NCKAP5: variants seen among roughly 807,000 people sequenced by gnomAD.
The protein encoded by NCKAP5 is nck-associated protein 5.
Under a neutral mutation model 167.0 loss-of-function variants are expected in NCKAP5, and 92 were observed. The ratio of observed to expected loss-of-function variants is 0.55; its 90% CI spans 0.47 to 0.66. The LOEUF is 0.66. Ranked by LOEUF, NCKAP5 falls within the 30% of genes least tolerant of loss-of-function variation. The pLI is 0.00. For synonymous variants in NCKAP5, 891 were observed against 877.4 expected, an observed-to-expected ratio of 1.02 and a Z score of -0.27; for missense variants, 2,378 against 2,315.0, an observed-to-expected ratio of 1.03 and a Z score of -0.56.
rs547409501 is a variant in NCKAP5, at chr2:132,855,126, C to T, written c.807+5366G>A. On this transcript the variant is annotated intron_variant, in intron 11 of 19. Transcript: ENST00000409261. The stretch of plus-strand genomic sequence containing the variant: ...AACCTCACGTGTTACATCTCATCAT[C>T]GAAAGCCTTGCTCTGCAGGAACTGT... Among the ~76,000 whole-genome samples, 3 of 152,254 alleles carry T rather than the reference C, an allele frequency of 2.0e-5. No individual in the cohort carries two copies. In the East Asian group the frequency reaches 5.8e-4, roughly 29 times the overall value.
At chr2:133,340,882 C>T (rs961706007) in intron 3 of NCKAP5, among the ~76,000 whole-genome samples, 1 of 152,182 alleles carries the variant, frequency 6.6e-6, no homozygotes, top group Non-Finnish European at 1.5e-5. Context: ...TTCCTCATCT[C>T]AGCAGCCAGC....
At chr2:133,473,215 C>T (rs1679514355) in intron 3 of NCKAP5, among the ~76,000 whole-genome samples, 1 of 151,958 alleles carries the variant, frequency 6.6e-6, no homozygotes, top group South Asian at 2.1e-4. Context: ...GCCTGTAGTC[C>T]CAGCTACTCA....
At chr2:132,793,119 C>T (rs147271868) in intron 12 of NCKAP5, among the ~76,000 whole-genome samples, 169 of 152,330 alleles carry the variant, frequency 1.1e-3, no homozygotes, top group Middle Eastern at 0.01. Context: ...AAGTGATTCT[C>T]CTGCCTCAGC....
Position 133,302,945 on chromosome 2 carries a change from T to A in NCKAP5, c.143+92A>T, listed in dbSNP as rs1023713046. On this transcript the variant is annotated intron_variant, in intron 4 of 19. Transcript: ENST00000409261. ...TTTTTAGCCAGACAAGGACTTAGTA[T>A]ATATTCTGTAGTCTAACTGAAATAT... 7.9e-6 allele frequency: 7 copies of A among 881,572 alleles called. No homozygotes were observed. The South Asian group carries it at 8.9e-5, about 11-fold the overall frequency. The allele number at this position is 881,572 out of a possible 1,614,324, so 54.6% of individuals were successfully genotyped here. A position where few individuals can be genotyped will look rare whatever the true frequency, so the allele number is the denominator to read the frequency against.
chr2:132,722,576 G>A (rs891113753), intron 19 of NCKAP5, among the ~76,000 whole-genome samples: 2 of 152,060 alleles, frequency 1.3e-5, no homozygotes, highest in Non-Finnish European at 2.9e-5. Flanking sequence ...CTTCAAATGC[G>A]GTTGATGTGC....
chr2:132,728,972 T>TA lies in NCKAP5; in HGVS notation c.5444-21_5444-20insT. ...CTTTTCCTAAATGAGGACACGTATG[T>TA]GGAATCACATATCACCTTTCATCAA... On this transcript the variant is annotated intron_variant, in intron 17 of 19. Transcript: ENST00000409261. 1 of 1,613,432 alleles carries TA rather than the reference T, an allele frequency of 6.2e-7. No individual in the cohort carries two copies. The highest frequency in any genetic ancestry group is 8.5e-7 in the Non-Finnish European group (1 of 1,179,624).
At chr2:132,685,258 G>GTC (rs770371784) in intron 19 of NCKAP5, among the ~76,000 whole-genome samples, 6 of 152,096 alleles carry the variant, frequency 3.9e-5, no homozygotes, top group Non-Finnish European at 7.4e-5. Context: ...TAATGAGAAG[G>GTC]TCTCTCTCTC....
At chr2:132,773,586 C>A (rs1367659947) in intron 16 of NCKAP5, among the ~76,000 whole-genome samples, 1 of 152,192 alleles carries the variant, frequency 6.6e-6, no homozygotes, top group African/African-American at 2.4e-5. Flanking sequence ...TACTTCTCAT[C>A]AGTTTGCTTT....
chr2:133,468,858 G>A (rs1489417783), intron 3 of NCKAP5, among the ~76,000 whole-genome samples: 2 of 151,970 alleles, frequency 1.3e-5, no homozygotes, highest in Non-Finnish European at 2.9e-5. Flanking sequence ...TTTTCCATTT[G>A]CTTGGTAGAT....
chr2:133,216,103 A>G (rs2086417856), intron 4 of NCKAP5, among the ~76,000 whole-genome samples: 2 of 152,158 alleles, frequency 1.3e-5, no homozygotes, highest in Admixed American at 1.3e-4. Context: ...AAAGGAGACT[A>G]ATAGAAACAT....
At chr2:132,939,438 GC>G (rs1298497031) in intron 8 of NCKAP5, among the ~76,000 whole-genome samples, 2 of 152,108 alleles carry the variant, frequency 1.3e-5, no homozygotes, top group African/African-American at 4.8e-5. Flanking sequence ...AATCTTTCTG[GC>G]CCCTCTCTGC....
At chr2:132,978,778 G>A (rs1189684483) in intron 7 of NCKAP5, among the ~76,000 whole-genome samples, 3 of 152,144 alleles carry the variant, frequency 2.0e-5, no homozygotes, top group South Asian at 2.1e-4. Context: ...AGCGGTCCTC[G>A]TCTCTAAGAT....
chr2:132,727,702 G>T (rs1558976904), intron 18 of NCKAP5, among the ~76,000 whole-genome samples: 1 of 152,172 alleles, frequency 6.6e-6, no homozygotes, highest in Non-Finnish European at 1.5e-5. Flanking sequence ...CCCAGGTGCT[G>T]CCCTGGACTT....
chr2:133,286,941 T>C (rs1362478983), intron 4 of NCKAP5, among the ~76,000 whole-genome samples: 3 of 152,222 alleles, frequency 2.0e-5, no homozygotes, highest in Admixed American at 6.5e-5. Context: ...AGTCATTCAA[T>C]AGAAGAGGTG....
At chr2:132,742,252 CAA>C (rs1332290777) in intron 16 of NCKAP5, among the ~76,000 whole-genome samples, 1 of 151,944 alleles carries the variant, frequency 6.6e-6, no homozygotes, top group Non-Finnish European at 1.5e-5. Flanking sequence ...ATTACATGGA[CAA>C]CTGCCTCTAT....
chr2:133,112,189 G>T (rs2081936444), intron 6 of NCKAP5, among the ~76,000 whole-genome samples: 1 of 152,130 alleles, frequency 6.6e-6, no homozygotes, highest in African/African-American at 2.4e-5. Flanking sequence ...AAATAGGTAT[G>T]CTAGGTATGG....
intron 8 of NCKAP5, among the ~76,000 whole-genome samples, chr2:132,904,156 C>T (rs975110401): frequency 3.3e-5 from 5 of 151,742 alleles, no homozygotes; most frequent in South Asian, 2.1e-4. Flanking sequence ...GGCATGGTGG[C>T]GAGTGCTTGT....
At chr2:132,920,721 A>ATATATATATATGTATATATATGTG (rs1695284545) in intron 8 of NCKAP5, among the ~76,000 whole-genome samples, 1 of 63,286 alleles carries the variant, frequency 1.6e-5, no homozygotes, top group Admixed American at 2.7e-4. Flanking sequence ...ATATATATGT[A>ATATATATATATGTATATATATGTG]TATATATATA....
intron 6 of NCKAP5, among the ~76,000 whole-genome samples, chr2:133,045,433 T>C (rs923173720): frequency 6.6e-6 from 1 of 152,104 alleles, no homozygotes; most frequent in African/African-American, 2.4e-5. Context: ...TTAGATTAAC[T>C]CTGAGACTGA....
Sources: gnomAD v4.1 joint callset for allele counts (sites outside exome capture counted in the v4.1 genomes callset) on GRCh38, gnomAD v4.1.1 for gene constraint, MANE v1.5 for transcripts, NCBI Gene and HGNC (gene_info 2026-07-23, HGNC 2026-07-21) for gene names.